Variants in SIK2 observed in about 807,000 individuals in gnomAD.
SIK2 encodes the protein salt inducible kinase 2, also known as serine/threonine-protein kinase SIK2.
Under a neutral mutation model 103.2 loss-of-function variants are expected in SIK2, and 29 were observed. The ratio of observed to expected loss-of-function variants is 0.28; its 90% CI spans 0.21 to 0.38. The LOEUF (loss-of-function observed/expected upper bound fraction) is 0.38. Among genes scored for constraint, SIK2 ranks in the 10% least tolerant of loss-of-function variants. The pLI is 1.00. For synonymous variants in SIK2, 412 were observed against 446.1 expected (o/e 0.92, Z 0.96); for missense variants, 879 against 1,171.0 (o/e 0.75, Z 3.64).
At chr11:111,713,753 C>T (rs190541520) in intron 9 of SIK2, among the ~76,000 whole-genome samples, 11 of 152,164 alleles carry the variant, frequency 7.2e-5, no homozygotes, top group South Asian at 6.2e-4. Context: ...CAGATCATGA[C>T]GTCAGGAGTT....
At chr11:111,707,445 C>A (rs1387048047) in intron 8 of SIK2, among the ~76,000 whole-genome samples, 1 of 152,180 alleles carries the variant, frequency 6.6e-6, no homozygotes, top group Non-Finnish European at 1.5e-5. Context: ...ACCAAGCACT[C>A]TGTGTCCTTT....
intron 3 of SIK2, among the ~76,000 whole-genome samples, chr11:111,623,552 G>T (rs1484758881): frequency 1.3e-5 from 2 of 152,174 alleles, no homozygotes; most frequent in African/African-American, 4.8e-5. Context: ...ATCCATTTGG[G>T]TCTTGCCTTC....
rs1942125347 is a variant in SIK2 at position 111,637,484 on chromosome 11, G to A, written c.316+17082G>A. 3.5e-5 allele frequency among the ~76,000 whole-genome samples: 5 copies of A among 142,826 alleles called. No homozygotes were observed. The South Asian group carries it at 1.1e-3, about 31-fold the overall frequency. 93.7% of individuals were successfully genotyped at this position (142,826 alleles called of 152,430 possible). Reference sequence around the variant, plus strand: ...TTTTTTTTTTTTTTTTTTTGAGAAGGAGTCTCCCTCGGTCACCCAGGCTGG... The same window carrying A: ...TTTTTTTTTTTTTTTTTTTGAGAAGAAGTCTCCCTCGGTCACCCAGGCTGG... On this transcript the variant is annotated intron_variant, in intron 3 of 14. Transcript: ENST00000304987.
intron 9 of SIK2, among the ~76,000 whole-genome samples, chr11:111,713,216 G>T (rs1203988615): frequency 6.6e-6 from 1 of 152,104 alleles, no homozygotes; most frequent in Non-Finnish European, 1.5e-5. Context: ...AATGAAGTTG[G>T]CATTTAGGAT....
At chr11:111,623,971 C>G (rs1368260095) in intron 3 of SIK2, among the ~76,000 whole-genome samples, 1 of 152,174 alleles carries the variant, frequency 6.6e-6, no homozygotes, top group Non-Finnish European at 1.5e-5. Context: ...TTCATGGTCT[C>G]GCCTCATTTG....
rs532877492 is a variant in SIK2, at chr11:111,629,570, C to T, written c.316+9168C>T. On this transcript the variant is annotated intron_variant, in intron 3 of 14. Transcript: ENST00000304987. Reference sequence around the variant, plus strand: ...TAATATCAGGACAGTTAGTTTGCTACGGACAATTGATAGTTGAAAATATGG... The same window carrying T: ...TAATATCAGGACAGTTAGTTTGCTATGGACAATTGATAGTTGAAAATATGG... 9.9e-5 allele frequency among the ~76,000 whole-genome samples: 15 copies of T among 152,150 alleles called. No homozygotes were observed. In the South Asian group the frequency reaches 2.7e-3, roughly 27 times the overall value.
At chr11:111,686,006 C>T (rs1463726366) in intron 3 of SIK2, among the ~76,000 whole-genome samples, 1 of 152,200 alleles carries the variant, frequency 6.6e-6, no homozygotes. Flanking sequence ...ATTACTTAAT[C>T]CCTCTGATTG....
Position 111,624,576 on chromosome 11 carries a change from A to G in SIK2, c.316+4174A>G, listed in dbSNP as rs185501855. On this transcript the variant is annotated intron_variant, in intron 3 of 14. Transcript: ENST00000304987. Reference sequence around the variant, plus strand: ...ATTCATTCATTTATTCAGTCTTTCAAGAAATCCTTATTGAAAACCAATTAC... The same window carrying G: ...ATTCATTCATTTATTCAGTCTTTCAGGAAATCCTTATTGAAAACCAATTAC... 2.6e-5 allele frequency among the ~76,000 whole-genome samples: 4 copies of G among 152,318 alleles called. No individual in the cohort carries two copies. The East Asian group carries it at 7.7e-4, about 29-fold the overall frequency.
At chr11:111,717,444 A>C (rs968309034) in intron 9 of SIK2, among the ~76,000 whole-genome samples, 1 of 152,130 alleles carries the variant, frequency 6.6e-6, no homozygotes, top group Admixed American at 6.5e-5. Flanking sequence ...CAACAACAAC[A>C]GATACTGGCC....
At chr11:111,644,936 A>G (rs1451087623) in intron 3 of SIK2, among the ~76,000 whole-genome samples, 1 of 152,226 alleles carries the variant, frequency 6.6e-6, no homozygotes, top group Non-Finnish European at 1.5e-5. Flanking sequence ...TAATTCAACA[A>G]ATACTTGTTC....
intron 3 of SIK2, among the ~76,000 whole-genome samples, chr11:111,682,765 T>G (rs1312922364): frequency 3.3e-5 from 5 of 152,228 alleles, no homozygotes; most frequent in Admixed American, 3.3e-4. Context: ...TGTGAAACAA[T>G]GTATTTATTA....
intron 3 of SIK2, among the ~76,000 whole-genome samples, chr11:111,624,918 A>G (rs1941941996): frequency 6.6e-6 from 1 of 152,236 alleles, no homozygotes; most frequent in South Asian, 2.1e-4. Flanking sequence ...TCATGTCGAT[A>G]TGGTAGAACA....
In SIK2 at chr11:111,730,424, G is replaced by A. The variant is rs1050302151; in HGVS notation, c.*6295G>A. On this transcript the variant is annotated 3_prime_UTR_variant, in exon 15 of 15. Transcript: ENST00000304987. ...TGGAGAGAAAGGTTTGCTTCACTTC[G>A]GGGACTGCAGTTTGAGAAATAAAAG... 6.6e-6 allele frequency: 1 copy of A among 152,160 alleles called. No homozygotes were observed. The highest frequency in any genetic ancestry group is 1.5e-5 in the Non-Finnish European group (1 of 68,030). The allele number at this position is 152,160 out of a possible 1,614,324, so 9.4% of individuals were successfully genotyped here. A position where few individuals can be genotyped will look rare whatever the true frequency, so the allele number is the denominator to read the frequency against.
At chr11:111,638,468 C>G (rs1942139345) in intron 3 of SIK2, among the ~76,000 whole-genome samples, 1 of 152,164 alleles carries the variant, frequency 6.6e-6, no homozygotes, top group African/African-American at 2.4e-5. Flanking sequence ...CCATCAGTTC[C>G]TGAGTCTTTG....
rs1375035996 is a variant in SIK2, at chr11:111,705,045, G to A, written c.1007G>A (p.Arg336His). The change falls in exon 8 of 15, where the codon CGC (arginine) becomes CAC (histidine). Residue 336 changes from arginine to histidine, a missense_variant. Arg to His is a conservative substitution (Grantham distance 29). Transcript: ENST00000304987. The surrounding 1 kb of genome is among the most constrained non-coding windows in gnomAD (Gnocchi z 4.3). ...GCCATTTATTTCTTGTTGGTGGAGC[G>A]CCTGAAATCACATCGGAGCAGTTTC... ...FAAIYFLLVE[R>H]LKSHRSSFPV... is the part of the protein sequence containing the mutation. 5.0e-6 allele frequency: 8 copies of A among 1,610,798 alleles called. No homozygotes were observed. The highest frequency in any genetic ancestry group is 1.6e-4 in the Middle Eastern group (1 of 6,074).
intron 8 of SIK2, among the ~76,000 whole-genome samples, chr11:111,708,271 A>C (rs1038904753): frequency 6.6e-6 from 1 of 152,158 alleles, no homozygotes; most frequent in African/African-American, 2.4e-5. Context: ...AATCCCAGCT[A>C]TGCGGGAGGC....
chr11:111,657,689 A>G (rs1035230498), intron 3 of SIK2, among the ~76,000 whole-genome samples: 1 of 152,144 alleles, frequency 6.6e-6, no homozygotes, highest in Non-Finnish European at 1.5e-5. Context: ...ATGCCTGGCC[A>G]GAGTAGAAGT....
chr11:111,638,996 T>C (rs757623922), intron 3 of SIK2, among the ~76,000 whole-genome samples: 2 of 152,324 alleles, frequency 1.3e-5, no homozygotes, highest in East Asian at 1.9e-4. Flanking sequence ...AAGTTACTTA[T>C]AGTTTGGCTT....
intron 4 of SIK2, 35 bp from the exon 5 acceptor site, chr11:111,700,851 A>G (rs1306501571): frequency 6.2e-7 from 1 of 1,611,174 alleles, no homozygotes; most frequent in Non-Finnish European, 8.5e-7. Flanking sequence ...GTTTGAGAGC[A>G]TAGATGAAAA....
Sources: allele counts gnomAD v4.1 joint callset (sites outside exome capture counted in the v4.1 genomes callset), GRCh38; gene constraint gnomAD v4.1.1; non-coding constraint Gnocchi (gnomAD v3.1); transcripts MANE v1.5; gene names NCBI Gene and HGNC (gene_info 2026-07-23, HGNC 2026-07-21).